The following UBAC2 variants were observed in gnomAD, a reference collection of about 807,000 sequenced individuals.
UBAC2 encodes the protein UBA domain containing 2, also known as ubiquitin-associated domain-containing protein 2.
UBAC2 carries 26 observed loss-of-function variants against 44.0 expected under a neutral mutation model. The ratio of observed to expected loss-of-function variants is 0.59; its 90% CI spans 0.43 to 0.82. UBAC2 has a LOEUF of 0.82. Among genes scored for constraint, UBAC2 ranks in the 40% least tolerant of loss-of-function variants. The pLI, the probability that UBAC2 is intolerant of heterozygous loss-of-function variation, is 0.00. For synonymous variants in UBAC2, 155 were observed against 154.3 expected (o/e 1.00, Z -0.04); for missense variants, 329 against 419.4 (o/e 0.78, Z 1.88).
chr13:99,259,573 G>A (rs1026975444), intron 4 of UBAC2, among the ~76,000 whole-genome samples: 7 of 152,054 alleles, frequency 4.6e-5, no homozygotes, highest in African/African-American at 1.7e-4. Flanking sequence ...AGTTTCTCCC[G>A]CTGTAATAAC....
chr13:99,249,709 T>A (rs1410928050), intron 4 of UBAC2, among the ~76,000 whole-genome samples: 1 of 152,210 alleles, frequency 6.6e-6, no homozygotes, highest in Admixed American at 6.5e-5. Flanking sequence ...TGTATAAGTT[T>A]CCCTTTTCTT....
At chr13:99,208,367 ACTTACCCTTTATG>A (rs1409048650) in intron 1 of UBAC2, among the ~76,000 whole-genome samples, 2 of 152,064 alleles carry the variant, frequency 1.3e-5, no homozygotes, top group Non-Finnish European at 2.9e-5. Flanking sequence ...AGGCCTTGTG[ACTTACCCTTTATG>A]CTTTAATTAA....
intron 4 of UBAC2, among the ~76,000 whole-genome samples, chr13:99,279,622 G>A (rs542675668): frequency 1.3e-5 from 2 of 152,186 alleles, no homozygotes; most frequent in African/African-American, 4.8e-5. Flanking sequence ...GCCTGTTCAG[G>A]CTCCTCTAAC....
chr13:99,323,837 G>T (rs1379850847), intron 6 of UBAC2, among the ~76,000 whole-genome samples: 2 of 152,178 alleles, frequency 1.3e-5, no homozygotes, highest in African/African-American at 4.8e-5. Context: ...ACACAGGGAG[G>T]TAGCGACCAG....
At chr13:99,202,601 C>T (rs751209676) in intron 1 of UBAC2, among the ~76,000 whole-genome samples, 2 of 152,184 alleles carry the variant, frequency 1.3e-5, no homozygotes, top group Non-Finnish European at 2.9e-5. Flanking sequence ...AAATTTGATA[C>T]AGGGCAACTG....
chr13:99,351,212 T>C (rs928976153), intron 7 of UBAC2, among the ~76,000 whole-genome samples: 1 of 152,224 alleles, frequency 6.6e-6, no homozygotes, highest in African/African-American at 2.4e-5. Flanking sequence ...ATTATCATAG[T>C]ATTGGGCATC....
intron 6 of UBAC2, among the ~76,000 whole-genome samples, chr13:99,338,047 C>CTTTTTCTTTTTTTTTTTTTTTT (rs2044821100): frequency 6.1e-5 from 3 of 48,852 alleles, no homozygotes; most frequent in Admixed American, 2.9e-4. Flanking sequence ...TTCTTTTTTT[C>CTTTTTCTTTTTTTTTTTTTTTT]TTTTTTTTTT....
chr13:99,232,682 G>A (rs1229692558), intron 1 of UBAC2, among the ~76,000 whole-genome samples: 1 of 152,100 alleles, frequency 6.6e-6, no homozygotes, highest in East Asian at 1.9e-4. Context: ...AGCACTTTGG[G>A]AGGCCGAGGC....
At chr13:99,243,720 G>T in intron 2 of UBAC2, 112 bp from the exon 3 acceptor site, 1 of 935,044 alleles carries the variant, frequency 1.1e-6, no homozygotes, top group South Asian at 1.6e-5. Flanking sequence ...TGTGCATTAT[G>T]ATTTTGTTTA....
rs552822414 is a variant in UBAC2, at chr13:99,383,580, G to A, written c.928-1648G>A. 3.3e-5 allele frequency among the ~76,000 whole-genome samples: 5 copies of A among 152,352 alleles called. No homozygotes were observed. In the South Asian group the frequency reaches 8.3e-4, roughly 25 times the overall value. On this transcript the variant is annotated intron_variant, in intron 8 of 8. Coordinates refer to ENST00000403766, the MANE Select transcript of UBAC2 (RefSeq NM_001144072.2). ...CCAGGACAGCCCTCCCCACCGCAAG[G>A]CATTTGGAAGACACCTGGCAGCCCT...
chr13:99,307,092 G>A (rs1034051110), intron 4 of UBAC2, among the ~76,000 whole-genome samples: 1 of 152,104 alleles, frequency 6.6e-6, no homozygotes, highest in East Asian at 1.9e-4. Context: ...AGTACATGAA[G>A]TGAGCCCTAT....
chr13:99,258,450 C>T (rs576142589), intron 4 of UBAC2: 1 of 152,268 alleles, frequency 6.6e-6, no homozygotes, highest in African/African-American at 2.4e-5. Flanking sequence ...TGGTTTTTCT[C>T]TTTCACAAAT....
intron 1 of UBAC2, among the ~76,000 whole-genome samples, chr13:99,209,006 G>C (rs2042908637): frequency 6.6e-6 from 1 of 152,184 alleles, no homozygotes; most frequent in Non-Finnish European, 1.5e-5. Context: ...GGCCTGCCTG[G>C]GGGCACTGTT....
At chr13:99,252,095 C>T (rs1316779484) in intron 4 of UBAC2, among the ~76,000 whole-genome samples, 2 of 152,224 alleles carry the variant, frequency 1.3e-5, no homozygotes, top group East Asian at 3.8e-4. Flanking sequence ...CTCATCTGAC[C>T]ACCAGCTAGT....
intron 4 of UBAC2, among the ~76,000 whole-genome samples, chr13:99,245,586 G>T (rs902328945): frequency 1.3e-5 from 2 of 152,202 alleles, no homozygotes; most frequent in Non-Finnish European, 2.9e-5. Context: ...GGGCGCGGTG[G>T]CTCATGCCAC....
chr13:99,255,657 T>C lies in UBAC2; in HGVS notation c.389+11033T>C, dbSNP rs768752139. Reference sequence around the variant, plus strand: ...AAAACATTCGAAAGGGTAAAGTCATTATAAATATCAAGTCCACTAATGCCA... The same window carrying C: ...AAAACATTCGAAAGGGTAAAGTCATCATAAATATCAAGTCCACTAATGCCA... On this transcript the variant is annotated intron_variant, in intron 4 of 8. Coordinates refer to ENST00000403766, the MANE Select transcript of UBAC2 (RefSeq NM_001144072.2). The C allele has an allele frequency of 2.5e-6, 4 of 1,613,938 alleles. No individual in the cohort carries two copies. The highest frequency in any genetic ancestry group is 3.4e-6 in the Non-Finnish European group (4 of 1,179,988).
intron 8 of UBAC2, 147 bp downstream of exon 8, chr13:99,368,053 G>C: frequency 9.5e-7 from 1 of 1,053,534 alleles, no homozygotes; most frequent in Non-Finnish European, 1.3e-6. Flanking sequence ...GAGACTTTGG[G>C]CTTTTTTTTG....
At chr13:99,227,690 C>T (rs1193483094) in intron 1 of UBAC2, among the ~76,000 whole-genome samples, 1 of 152,050 alleles carries the variant, frequency 6.6e-6, no homozygotes, top group Non-Finnish European at 1.5e-5. Flanking sequence ...TTTTTCTGTC[C>T]TGTCTACACT....
At chr13:99,378,707 T>G (rs1401864542) in intron 8 of UBAC2, among the ~76,000 whole-genome samples, 1 of 152,152 alleles carries the variant, frequency 6.6e-6, no homozygotes, top group African/African-American at 2.4e-5. Context: ...AGGCCAGAGG[T>G]TGTGTCAGGC....
Sources: gnomAD v4.1 joint callset for allele counts (sites outside exome capture counted in the v4.1 genomes callset) on GRCh38, gnomAD v4.1.1 for gene constraint, MANE v1.5 for transcripts, NCBI Gene and HGNC (gene_info 2026-07-23, HGNC 2026-07-21) for gene names.